TLCD4: variants seen among roughly 807,000 people sequenced by gnomAD.
The protein encoded by TLCD4 is TLC domain-containing protein 4.
In TLCD4, 7 loss-of-function variants were observed where a neutral mutation model predicts 24.2. The observed-to-expected ratio is 0.29, with a 90% CI of 0.16 to 0.54. The LOEUF (loss-of-function observed/expected upper bound fraction) is 0.54. TLCD4 is among the 20% of genes least tolerant of loss of function. TLCD4 has a pLI of 0.95. For missense variants in TLCD4, 259 were observed against 313.9 expected (o/e 0.82, Z 1.32); for synonymous variants, 103 against 106.4 (o/e 0.97, Z 0.20).
chr1:95,123,261 C>A (rs1204543132), intron 1 of TLCD4, among the ~76,000 whole-genome samples: 1 of 152,130 alleles, frequency 6.6e-6, no homozygotes, highest in African/African-American at 2.4e-5. Context: ...ATGAGGTTTC[C>A]TTCCCTTTTC....
intron 5 of TLCD4, 123 bp from the exon 6 acceptor site, chr1:95,173,693 T>A (rs1400603577): frequency 8.0e-7 from 1 of 1,250,282 alleles, no homozygotes; most frequent in East Asian, 2.4e-5. Flanking sequence ...GGTAGAAAAC[T>A]TCTTGATCTG....
At chr1:95,128,787 G>T (rs1405356397) in intron 1 of TLCD4, among the ~76,000 whole-genome samples, 2 of 152,184 alleles carry the variant, frequency 1.3e-5, no homozygotes, top group African/African-American at 4.8e-5. Flanking sequence ...AGGGGAGCCT[G>T]GGATATGAAC....
At chr1:95,150,148 AAG>A in intron 3 of TLCD4, 58 bp from the exon 4 acceptor site, 1 of 1,548,602 alleles carries the variant, frequency 6.5e-7, no homozygotes, top group Non-Finnish European at 8.7e-7. Flanking sequence ...CTATAGAAAA[AAG>A]AAGTAGCGGT....
chr1:95,101,156 C>T, the TLCD4 span, among the ~76,000 whole-genome samples: 25 of 152,264 alleles, frequency 1.6e-4, no homozygotes, highest in Non-Finnish European at 2.9e-4. Context: ...ATCCACCCGC[C>T]TCAGCCTCCC....
intron 5 of TLCD4, among the ~76,000 whole-genome samples, chr1:95,169,430 A>G (rs1678132869): frequency 6.6e-6 from 1 of 152,240 alleles, no homozygotes; most frequent in East Asian, 1.9e-4. Flanking sequence ...CATTTTGGCC[A>G]AAGTTGTTTA....
intron 1 of TLCD4, among the ~76,000 whole-genome samples, chr1:95,129,464 A>G (rs1171060898): frequency 6.6e-6 from 1 of 152,176 alleles, no homozygotes; most frequent in African/African-American, 2.4e-5. Flanking sequence ...GTAACAGGCC[A>G]GGCGCGGTAG....
intron 2 of TLCD4, among the ~76,000 whole-genome samples, chr1:95,147,114 C>T (rs1677375439): frequency 6.8e-6 from 1 of 147,088 alleles, no homozygotes; most frequent in African/African-American, 2.5e-5. Context: ...CGCTCTGTTG[C>T]CCAGGCTGGA....
intron 1 of TLCD4, among the ~76,000 whole-genome samples, chr1:95,125,812 G>T (rs1676717328): frequency 6.6e-6 from 1 of 152,132 alleles, no homozygotes; most frequent in Non-Finnish European, 1.5e-5. Flanking sequence ...GTATGATTTG[G>T]CATGACTGGA....
chr1:95,136,043 T>A (rs1677031897), intron 1 of TLCD4, among the ~76,000 whole-genome samples: 1 of 151,966 alleles, frequency 6.6e-6, no homozygotes, highest in Non-Finnish European at 1.5e-5. Context: ...TTTCAAGTTT[T>A]TTTTTTTTAT....
Position 95,194,781 on chromosome 1 carries a change from T to C in TLCD4, c.*2913T>C, listed in dbSNP as rs1024523128. On this transcript the variant is annotated 3_prime_UTR_variant, in exon 7 of 7. Coordinates refer to ENST00000370203, the MANE Select transcript of TLCD4 (RefSeq NM_152487.3). ...TTTTTATTTGTGAAAATTTGAAAAT[T>C]ATGAGCTATAACTTATAAAGTTTGC... is the stretch of plus-strand genomic sequence containing the variant. 19 of 152,224 alleles carry C rather than the reference T, an allele frequency of 1.2e-4. No individual in the cohort carries two copies. The highest frequency in any genetic ancestry group is 4.6e-4 in the African/African-American group (19 of 41,560). The allele number at this position is 152,224 out of a possible 1,614,324, so 9.4% of individuals were successfully genotyped here. A position where few individuals can be genotyped will look rare whatever the true frequency, so the allele number is the denominator to read the frequency against.
At chr1:95,180,271 G>T (rs976582294) in intron 6 of TLCD4, among the ~76,000 whole-genome samples, 3 of 152,142 alleles carry the variant, frequency 2.0e-5, no homozygotes, top group Non-Finnish European at 2.9e-5. Flanking sequence ...AACTCTTTTA[G>T]AGAAATTATA....
chr1:95,192,189 C>T lies in TLCD4; in HGVS notation c.*321C>T. On this transcript the variant is annotated 3_prime_UTR_variant, in exon 7 of 7. Transcript: ENST00000370203. ...TGGTTGGCGCCTGTAATCCCAGCTA[C>T]TCGGGAGGCTGAGGCAGGAGAATCG... is the stretch of plus-strand genomic sequence containing the variant. The T allele has an allele frequency of 4.3e-6, 1 of 233,296 alleles. No homozygotes were observed. 14.5% of individuals were successfully genotyped at this position (233,296 alleles called of 1,614,324 possible).
At chr1:95,172,783 A>G (rs771019081) in intron 5 of TLCD4, among the ~76,000 whole-genome samples, 7 of 152,216 alleles carry the variant, frequency 4.6e-5, no homozygotes, top group Non-Finnish European at 1.0e-4. Flanking sequence ...GCAGCATGGT[A>G]TAGCCAGTAG....
Position 95,117,361 on chromosome 1 carries a change from C to G in TLCD4, c.-268C>G, listed in dbSNP as rs1372920039. On this transcript the variant is annotated 5_prime_UTR_variant, in exon 1 of 7. Coordinates refer to ENST00000370203, the MANE Select transcript of TLCD4 (RefSeq NM_152487.3). Reference sequence around the variant, plus strand: ...GAGCGGCCGCGGCCCCTTTAAGGAGCAGCTCTGCGGTAACCCGAGCCCGCA... The same window carrying G: ...GAGCGGCCGCGGCCCCTTTAAGGAGGAGCTCTGCGGTAACCCGAGCCCGCA... 1 of 152,230 alleles carries G rather than the reference C, an allele frequency of 6.6e-6. No individual in the cohort carries two copies. The allele number at this position is 152,230 out of a possible 1,614,324, so 9.4% of individuals were successfully genotyped here. A position where few individuals can be genotyped will look rare whatever the true frequency, so the allele number is the denominator to read the frequency against.
At chr1:95,113,231 C>T (rs1441881974), upstream of TLCD4, among the ~76,000 whole-genome samples, 7 of 151,906 alleles carry the variant, frequency 4.6e-5, no homozygotes, top group Middle Eastern at 3.2e-3. Flanking sequence ...TTAGTAGATA[C>T]GGGGTTTCGC....
chr1:95,194,221 A>G lies in TLCD4; in HGVS notation c.*2353A>G, dbSNP rs1267893941. On this transcript the variant is annotated 3_prime_UTR_variant, in exon 7 of 7. Coordinates refer to ENST00000370203, the MANE Select transcript of TLCD4 (RefSeq NM_152487.3). ...GTGATTCTCTTATTCAGCAATCCTT[A>G]TCTTATGCTGGCTGCATGAGTTAAT... The G allele has an allele frequency of 1.3e-5, 2 of 152,138 alleles. No homozygotes were observed. Among genetic ancestry groups the G allele is most frequent in the Non-Finnish European group, 2.9e-5 (2 of 67,972 alleles). The allele number at this position is 152,138 out of a possible 1,614,324, so 9.4% of individuals were successfully genotyped here.
rs944050873 is a variant in TLCD4, at chr1:95,193,237, A to G, written c.*1369A>G. Reference sequence around the variant, plus strand: ...TTTGAATTTCTATCTTAAAGCACAGAAAAAAAAAGGTAATTTAATCCAAGT... The same window carrying G: ...TTTGAATTTCTATCTTAAAGCACAGGAAAAAAAAGGTAATTTAATCCAAGT... On this transcript the variant is annotated 3_prime_UTR_variant, in exon 7 of 7. Coordinates refer to ENST00000370203, the MANE Select transcript of TLCD4 (RefSeq NM_152487.3). 4.0e-5 allele frequency: 6 copies of G among 151,248 alleles called. No individual in the cohort carries two copies. Among genetic ancestry groups the G allele is most frequent in the Admixed American group, 6.6e-5 (1 of 15,126 alleles). 9.4% of individuals were successfully genotyped at this position (151,248 alleles called of 1,614,324 possible).
At chr1:95,142,728 G>C (rs1251306385) in intron 1 of TLCD4, among the ~76,000 whole-genome samples, 4 of 152,128 alleles carry the variant, frequency 2.6e-5, no homozygotes, top group African/African-American at 9.7e-5. Context: ...GAGGTGGGCA[G>C]ATCACGAGGT....
chr1:95,190,011 G>T (rs558193373), intron 6 of TLCD4, among the ~76,000 whole-genome samples: 1 of 152,124 alleles, frequency 6.6e-6, no homozygotes, highest in African/African-American at 2.4e-5. Context: ...CCACACCCTT[G>T]CCAGCAATTG....
Sources: gnomAD v4.1 joint callset for allele counts (sites outside exome capture counted in the v4.1 genomes callset) on GRCh38, gnomAD v4.1.1 for gene constraint, MANE v1.5 for transcripts, NCBI Gene and HGNC (gene_info 2026-07-23, HGNC 2026-07-21) for gene names.